GATA4: variants seen among roughly 807,000 people sequenced by gnomAD.
GATA4 encodes GATA binding protein 4.
Under a neutral mutation model 37.9 loss-of-function variants are expected in GATA4, and 7 were observed. The ratio of observed to expected loss-of-function variants is 0.18; its 90% CI spans 0.11 to 0.35. The LOEUF is 0.35. GATA4 is among the 10% of genes least tolerant of loss of function. The pLI is 1.00. For synonymous variants in GATA4, 372 were observed against 292.6 expected, an observed-to-expected ratio of 1.27 and a Z score of -2.77; for missense variants, 647 against 653.0, an observed-to-expected ratio of 0.99 and a Z score of 0.10.
chr8:11,723,636 G>C (rs1041153186), intron 2 of GATA4, among the ~76,000 whole-genome samples: 1 of 152,206 alleles, frequency 6.6e-6, no homozygotes, highest in Non-Finnish European at 1.5e-5. Context: ...AGCTCTGCCA[G>C]CTGGGCTTAT....
intron 5 of GATA4, 70 bp downstream of exon 5, chr8:11,755,203 T>G: frequency 5.9e-6 from 8 of 1,344,874 alleles, no homozygotes; most frequent in Non-Finnish European, 7.4e-6. Flanking sequence ...GAATCATATC[T>G]TCCGGGTTAG....
At chr8:11,677,551 C>T (rs1226900878) in intron 1 of GATA4, among the ~76,000 whole-genome samples, 3 of 152,204 alleles carry the variant, frequency 2.0e-5, no homozygotes, top group Admixed American at 6.5e-5. Context: ...TCCCCCGCAG[C>T]CCTTGGTGTC....
intron 1 of GATA4, among the ~76,000 whole-genome samples, chr8:11,687,504 T>A (rs1001552281): frequency 2.0e-5 from 3 of 152,170 alleles, no homozygotes; most frequent in African/African-American, 7.2e-5. Context: ...TTGGGGGCAA[T>A]GAATAATTGT....
At position 11,757,140 on chromosome 8, in the gene GATA4, C is replaced by A. The variant is rs1427064173; in HGVS notation, c.1149+57C>A. On this transcript the variant is annotated intron_variant, in intron 6 of 6. Transcript: ENST00000532059. ...TTGTGGGGAGGCCGACTGCAGAGTC[C>A]CAGAGGCCAGCCTAGTACTGGGTGG... 6 of 1,605,680 alleles carry A rather than the reference C, an allele frequency of 3.7e-6. No homozygotes were observed. The East Asian group carries it at 1.3e-4, about 36-fold the overall frequency.
intron 2 of GATA4, among the ~76,000 whole-genome samples, chr8:11,735,929 G>C (rs1203479454): frequency 6.6e-6 from 1 of 151,678 alleles, no homozygotes; most frequent in Non-Finnish European, 1.5e-5. Context: ...ATTTTTTTTT[G>C]AGATAGGGTT....
intron 1 of GATA4, among the ~76,000 whole-genome samples, chr8:11,677,290 G>T (rs994236405): frequency 2.0e-5 from 3 of 152,208 alleles, no homozygotes; most frequent in Non-Finnish European, 2.9e-5. Flanking sequence ...CTCTGTGAAG[G>T]CCAGGCCGCA....
chr8:11,726,816 C>A (rs1419197024), intron 2 of GATA4, among the ~76,000 whole-genome samples: 1 of 152,202 alleles, frequency 6.6e-6, no homozygotes, highest in Non-Finnish European at 1.5e-5. Flanking sequence ...ATGGTGCCCT[C>A]CTGGCTTCCA....
At chr8:11,699,489 G>A (rs1323637833), upstream of GATA4, among the ~76,000 whole-genome samples, 1 of 152,248 alleles carries the variant, frequency 6.6e-6, no homozygotes, top group East Asian at 1.9e-4. Context: ...GGTGGTGGGT[G>A]GCCTGGGCAG....
chr8:11,744,768 T>C (rs1801947956), intron 2 of GATA4, among the ~76,000 whole-genome samples: 1 of 152,188 alleles, frequency 6.6e-6, no homozygotes, highest in African/African-American at 2.4e-5. Context: ...AGGTTGACTA[T>C]TGGATGTCTT....
chr8:11,691,253 T>C (rs2129976815), upstream of GATA4, among the ~76,000 whole-genome samples: 1 of 152,342 alleles, frequency 6.6e-6, no homozygotes, highest in East Asian at 1.9e-4. Flanking sequence ...AGTTCCTCAC[T>C]GAACATATTC....
chr8:11,729,177 C>G (rs1226263092), intron 2 of GATA4, among the ~76,000 whole-genome samples: 1 of 152,074 alleles, frequency 6.6e-6, no homozygotes, highest in Non-Finnish European at 1.5e-5. Context: ...GAGCCATGAT[C>G]GTGCCACTGC....
intron 5 of GATA4, among the ~76,000 whole-genome samples, chr8:11,756,307 G>T (rs1464725565): frequency 6.6e-6 from 1 of 152,072 alleles, no homozygotes; most frequent in Non-Finnish European, 1.5e-5. Flanking sequence ...TTTCCTACTG[G>T]AATTTTCAGT....
intron 4 of GATA4, among the ~76,000 whole-genome samples, 192 bp from the exon 5 acceptor site, chr8:11,754,854 C>T (rs781018463): frequency 2.6e-4 from 40 of 152,242 alleles, no homozygotes; most frequent in Admixed American, 1.1e-3. Context: ...CACAGGTGCT[C>T]GATAAGTTTT....
At chr8:11,677,437 A>G (rs1798820116) in intron 1 of GATA4, among the ~76,000 whole-genome samples, 1 of 152,220 alleles carries the variant, frequency 6.6e-6, no homozygotes, top group Non-Finnish European at 1.5e-5. Flanking sequence ...TGTCTCAGGA[A>G]AAACCTAAAT....
In GATA4 at chr8:11,707,425, C is replaced by G. The variant is rs1280192179; in HGVS notation, c.-457-431C>G. ...CTAAAGTTCTTTCTAGGCCAGTCTC[C>G]CCATCTTTCTTGGGGAGAGATGGGG... On this transcript the variant is annotated intron_variant, in intron 1 of 6. Coordinates refer to ENST00000532059, the MANE Select transcript of GATA4 (RefSeq NM_001308093.3). The surrounding 1 kb of genome is among the most constrained non-coding windows in gnomAD (Gnocchi z 4.7). Among the ~76,000 whole-genome samples the G allele has an allele frequency of 6.6e-6, 1 of 151,966 alleles. No homozygotes were observed. The highest frequency in any genetic ancestry group is 2.4e-5 in the African/African-American group (1 of 41,372).
chr8:11,708,011 A>G lies in GATA4; in HGVS notation c.-302A>G, dbSNP rs539459902. The G allele has an allele frequency of 8.6e-5, 36 of 420,658 alleles. No individual in the cohort carries two copies. Among genetic ancestry groups the G allele is most frequent in the African/African-American group, 3.1e-4 (15 of 48,662 alleles). 26.1% of individuals were successfully genotyped at this position (420,658 alleles called of 1,614,324 possible). On this transcript the variant is annotated 5_prime_UTR_variant, in exon 2 of 7. Coordinates refer to ENST00000532059, the MANE Select transcript of GATA4 (RefSeq NM_001308093.3). This position sits in a 1 kb window ranked among gnomAD's most constrained non-coding sequence, Gnocchi z 6.7. ...CGCTGCCCTCCGTCTTCTGCCCCCA[A>G]TAGGTGCGCCGGACCTTCAGGCCCT...
chr8:11,739,735 C>CTTCTGTCGTGTGCGGAGT (rs777631212), intron 2 of GATA4, among the ~76,000 whole-genome samples: 16,749 of 144,440 alleles, frequency 0.12, 2,294 homozygotes, highest in East Asian at 0.71. Flanking sequence ...GTGTGCAGAG[C>CTTCTGTCGTGTGCGGAGT]TTCTGTCGTG....
At chr8:11,691,519 A>G (rs762476706), upstream of GATA4, among the ~76,000 whole-genome samples, 4 of 152,220 alleles carry the variant, frequency 2.6e-5, no homozygotes, top group African/African-American at 4.8e-5. Context: ...TCCAGGCTGG[A>G]TTTCGAGAGC....
At chr8:11,688,579 G>T (rs975924236), upstream of GATA4, among the ~76,000 whole-genome samples, 1 of 152,182 alleles carries the variant, frequency 6.6e-6, no homozygotes, top group Admixed American at 6.5e-5. Flanking sequence ...AAATCTTTGT[G>T]TGGGGACGTT....
Sources: allele counts gnomAD v4.1 joint callset (sites outside exome capture counted in the v4.1 genomes callset), GRCh38; gene constraint gnomAD v4.1.1; non-coding constraint Gnocchi (gnomAD v3.1); transcripts MANE v1.5; gene names NCBI Gene and HGNC (gene_info 2026-07-23, HGNC 2026-07-21).